RNF213: variants seen among roughly 807,000 people sequenced by gnomAD.
RNF213 encodes E3 ubiquitin-protein ligase RNF213.
In RNF213, 341 loss-of-function variants were observed where a neutral mutation model predicts 514.4. The observed-to-expected ratio is 0.66, with a 90% CI of 0.61 to 0.73. The LOEUF (loss-of-function observed/expected upper bound fraction) is 0.73. Ranked by LOEUF, RNF213 falls within the 30% of genes least tolerant of loss-of-function variation. The pLI, the probability that RNF213 is intolerant of heterozygous loss-of-function variation, is 0.00. For synonymous variants in RNF213, 2,655 were observed against 2,658.2 expected, an observed-to-expected ratio of 1.00 and a Z score of 0.04; for missense variants, 5,767 against 6,615.6, an observed-to-expected ratio of 0.87 and a Z score of 4.45.
intron 1 of RNF213, among the ~76,000 whole-genome samples, chr17:80,261,622 A>G (rs941212751): frequency 6.6e-6 from 1 of 152,242 alleles, no homozygotes; most frequent in Admixed American, 6.5e-5. Context: ...GTGCTTGGGA[A>G]AAAATGTCAG....
intron 19 of RNF213, 30 bp downstream of exon 19, chr17:80,328,019 C>A: frequency 6.5e-7 from 1 of 1,535,216 alleles, no homozygotes. Context: ...GCACTTCAGG[C>A]TCCTGAGGCA....
chr17:80,295,262 G>A (rs77175089), intron 9 of RNF213, among the ~76,000 whole-genome samples: 4,620 of 152,278 alleles, frequency 0.03, 223 homozygotes, highest in African/African-American at 0.11. Context: ...TGGAAGGAAC[G>A]GGGCACCCTC....
Position 80,345,127 on chromosome 17 carries a change from A to G in RNF213, c.6792A>G (p.Thr2264=). The G allele has an allele frequency of 6.2e-7, 1 of 1,614,064 alleles. No individual in the cohort carries two copies. The highest frequency in any genetic ancestry group is 8.5e-7 in the Non-Finnish European group (1 of 1,180,010). Residue 2264 remains threonine, a synonymous_variant, in exon 29 of 68, where the codon ACA becomes ACG. Transcript: ENST00000582970. The surrounding 1 kb of genome is among the most constrained non-coding windows in gnomAD (Gnocchi z 6.0). ...TCTTTATGGCAAGAGATTTTGCCAC[A>G]CCATCACTCCACACCTCTGACCAAA... ...FMIFMARDFA[T]PSLHTSDQSP... is the part of the protein sequence containing the mutation.
chr17:80,352,856 C>T, intron 32 of RNF213, 84 bp from the exon 33 acceptor site: 2 of 1,594,316 alleles, frequency 1.3e-6, no homozygotes, highest in East Asian at 4.5e-5. Flanking sequence ...AATGACAAGC[C>T]AGGGTGTGCA....
In RNF213 at chr17:80,343,037, A is replaced by G; in HGVS notation, c.5990-95A>G. On this transcript the variant is annotated intron_variant, in intron 26 of 67. Coordinates refer to ENST00000582970, the MANE Select transcript of RNF213 (RefSeq NM_001256071.3). This position sits in a 1 kb window ranked among gnomAD's most constrained non-coding sequence, Gnocchi z 4.3. ...TGACCAGGCTGGCTTTGAACTCCTG[A>G]CCTCAAGTGATCCCCCCGCCTCGGC... 1 of 994,212 alleles carries G rather than the reference A, an allele frequency of 1.0e-6. No individual in the cohort carries two copies. The highest frequency in any genetic ancestry group is 1.9e-5 in the Admixed American group (1 of 53,738). 61.6% of individuals were successfully genotyped at this position (994,212 alleles called of 1,614,324 possible). A position where few individuals can be genotyped will look rare whatever the true frequency, so the allele number is the denominator to read the frequency against.
Position 80,313,067 on chromosome 17 carries a change from A to G in RNF213, c.2711A>G (p.Gln904Arg). The change falls in exon 15 of 68, where the codon CAA becomes CGA. Residue 904 changes from glutamine (Q) to arginine (R), a missense_variant. Gln to Arg is a conservative substitution (Grantham distance 43). Transcript: ENST00000582970. ...TGNNSVQTVF[Q>R]GTLAATKRWL... The stretch of plus-strand genomic sequence containing the variant: ...AATAATTCAGTCCAAACAGTCTTCC[A>G]AGGGACCCTTGCTGCTACGAAAAGG... 1 of 1,614,098 alleles carries G rather than the reference A, an allele frequency of 6.2e-7. No individual in the cohort carries two copies. The highest frequency in any genetic ancestry group is 2.2e-5 in the East Asian group (1 of 44,890).
Position 80,358,335 on chromosome 17 carries a change from C to T in RNF213, c.10910C>T (p.Ala3637Val), listed in dbSNP as rs751079345. 4 of 1,614,028 alleles carry T rather than the reference C, an allele frequency of 2.5e-6. No homozygotes were observed. The highest frequency in any genetic ancestry group is 2.2e-5 in the East Asian group (1 of 44,884). ...CAAGGTGCTGTCACCCCTCTGCTGG[C>T]GAGCATGATATCATTCATCGACAGA... ...RVQGAVTPLL[A>V]SMISFIDRDG... Residue 3637 changes from alanine to valine, a missense_variant, in exon 37 of 68, where the codon GCG becomes GTG. Ala to Val is a moderately conservative substitution (Grantham distance 64). Around this residue, in one of 13 missense-constraint regions of RNF213, gnomAD observed 919 missense variants for 1,121.0 expected, o/e 0.82. Coordinates refer to ENST00000582970, the MANE Select transcript of RNF213 (RefSeq NM_001256071.3).
At chr17:80,382,829 G>C in intron 57 of RNF213, 150 bp from the exon 58 acceptor site, 1 of 648,874 alleles carries the variant, frequency 1.5e-6, no homozygotes, top group Non-Finnish European at 2.8e-6. Flanking sequence ...GTAACAACAG[G>C]AACTACTTCA....
At chr17:80,376,622 T>G in intron 52 of RNF213, 79 bp downstream of exon 52, 1 of 1,592,532 alleles carries the variant, frequency 6.3e-7, no homozygotes, top group Non-Finnish European at 8.6e-7. Flanking sequence ...GAGCTGCAGC[T>G]GTGGGAACTC....
chr17:80,381,696 T>C lies in RNF213; in HGVS notation c.13947T>C (p.Leu4649=), dbSNP rs756189338. 9 of 1,613,974 alleles carry C rather than the reference T, an allele frequency of 5.6e-6. No homozygotes were observed. The highest frequency in any genetic ancestry group is 6.8e-6 in the Non-Finnish European group (8 of 1,179,990). Residue 4649 remains leucine, a synonymous_variant, in exon 57 of 68, where the codon CTT becomes CTC. Transcript: ENST00000582970. ...IGVVHLVLRR[L]LQEQHQLSSR... ...TGGTCCACCTCGTCCTGCGCAGGCT[T>C]CTCCAAGAGCAGCACCAGCTCTCTA...
intron 58 of RNF213, among the ~76,000 whole-genome samples, 168 bp from the exon 59 acceptor site, chr17:80,383,505 TAAAC>T (rs201899752): frequency 0.019 from 2,832 of 152,272 alleles, 27 homozygotes; most frequent in Middle Eastern, 0.058. Flanking sequence ...CATACATCTA[TAAAC>T]AAACAACACT....
At chr17:80,290,189 AAG>A (rs1485506976) in intron 6 of RNF213, among the ~76,000 whole-genome samples, 1 of 152,200 alleles carries the variant, frequency 6.6e-6, no homozygotes, top group Non-Finnish European at 1.5e-5. Flanking sequence ...GGAGGCAGTG[AAG>A]AGAGACCTCC....
At position 80,351,764 on chromosome 17, in the gene RNF213, C is replaced by T. The variant is rs773427301; in HGVS notation, c.10264C>T (p.Arg3422Trp). The part of the protein sequence containing the change: ...IFVYFITKLS[R>W]VGRGTAYVGF... ...CGTCTATTTCATCACAAAACTGTCC[C>T]GGGTGGGAAGAGGAACAGCCTATGT... The change falls in exon 32 of 68, where the codon CGG (arginine) becomes TGG (tryptophan). Residue 3422 changes from arginine (R) to tryptophan (W), a missense_variant. Physicochemically the swap from Arg to Trp is moderately radical, Grantham distance 101. This residue lies in a region of RNF213 where 919 missense variants were observed against 1,121.0 expected (regional missense o/e 0.82). Coordinates refer to ENST00000582970, the MANE Select transcript of RNF213 (RefSeq NM_001256071.3). 1.6e-5 allele frequency: 26 copies of T among 1,612,296 alleles called. No homozygotes were observed. Among genetic ancestry groups the T allele is most frequent in the East Asian group, 1.6e-4 (7 of 44,878 alleles).
In RNF213 at chr17:80,346,810, C is replaced by T. The variant is rs375053532; in HGVS notation, c.8475C>T (p.Cys2825=). 49 of 1,614,066 alleles carry T rather than the reference C, an allele frequency of 3.0e-5. No individual in the cohort carries two copies. Among genetic ancestry groups the T allele is most frequent in the Middle Eastern group, 1.6e-4 (1 of 6,062 alleles). ...GCATCATCAGCACCTTCCGGCAGTG[C>T]GCCCGCTTTCAGCAGGGGAAGGACC... ...PQGIISTFRQ[C]ARFQQGKDLQ... Residue 2825 remains cysteine (C), a synonymous_variant, in exon 29 of 68, where the codon TGC becomes TGT. Coordinates refer to ENST00000582970, the MANE Select transcript of RNF213 (RefSeq NM_001256071.3). This position sits in a 1 kb window ranked among gnomAD's most constrained non-coding sequence, Gnocchi z 8.1.
intron 22 of RNF213, 160 bp downstream of exon 22, chr17:80,334,430 T>C (rs2077925192): frequency 2.8e-6 from 2 of 722,044 alleles, no homozygotes. Flanking sequence ...TGGGCACTGA[T>C]CATAGAGTTC....
At chr17:80,267,309 C>T (rs1020593808) in intron 2 of RNF213, among the ~76,000 whole-genome samples, 16 of 151,610 alleles carry the variant, frequency 1.1e-4, no homozygotes, top group African/African-American at 3.1e-4. Flanking sequence ...GGCATGGTGG[C>T]GTGTACCTGT....
At chr17:80,350,463 T>G (rs1272081518) in intron 31 of RNF213, 67 bp downstream of exon 31, 2 of 1,014,716 alleles carry the variant, frequency 2.0e-6, no homozygotes, top group African/African-American at 1.6e-5. Flanking sequence ...CCTAGAGAAT[T>G]TTTTCCTTGA....
intron 3 of RNF213, among the ~76,000 whole-genome samples, chr17:80,276,706 A>T (rs1327871227): frequency 6.6e-6 from 1 of 152,056 alleles, no homozygotes. Flanking sequence ...GGAAATGTTA[A>T]ACGCTGCAGC....
At position 80,295,653 on chromosome 17, in the gene RNF213, A is replaced by G. The variant is rs765533410; in HGVS notation, c.1852A>G (p.Ser618Gly). The change falls in exon 10 of 68, where the codon AGT (serine) becomes GGT (glycine). Residue 618 changes from serine (S) to glycine (G), a missense_variant. Physicochemically the swap from Ser to Gly is moderately conservative, Grantham distance 56 (BLOSUM62 0). Around this residue, in one of 13 missense-constraint regions of RNF213, gnomAD observed 592 missense variants for 673.9 expected, o/e 0.88. Coordinates refer to ENST00000582970, the MANE Select transcript of RNF213 (RefSeq NM_001256071.3). ...TTTGCCTGTGGACTGCCCAGTGAGGAGTAAACTGAAAACAGGCCTGATTGT... is the reference window on the plus strand; with the variant it reads ...TTTGCCTGTGGACTGCCCAGTGAGGGGTAAACTGAAAACAGGCCTGATTGT... ...DFLPVDCPVR[S>G]KLKTGLIVLF... 6.2e-7 allele frequency: 1 copy of G among 1,614,166 alleles called. No homozygotes were observed. Among genetic ancestry groups the G allele is most frequent in the Non-Finnish European group, 8.5e-7 (1 of 1,179,998 alleles).
Sources: gnomAD v4.1 joint callset for allele counts (sites outside exome capture counted in the v4.1 genomes callset) on GRCh38, gnomAD v4.1.1 for gene constraint, gnomAD v4.1.1 regional missense constraint, Gnocchi (gnomAD v3.1) non-coding constraint, MANE v1.5 for transcripts, NCBI Gene and HGNC (gene_info 2026-07-23, HGNC 2026-07-21) for gene names.